MCM6: variants seen among roughly 807,000 people sequenced by gnomAD.
MCM6 encodes the protein DNA replication licensing factor MCM6.
Under a neutral mutation model 94.3 loss-of-function variants are expected in MCM6, and 46 were observed. The ratio of observed to expected loss-of-function variants is 0.49; its 90% CI spans 0.39 to 0.62. The LOEUF is 0.62. Among genes scored for constraint, MCM6 ranks in the 20% least tolerant of loss-of-function variants. The pLI, the probability that MCM6 is intolerant of heterozygous loss-of-function variation, is 0.00. For synonymous variants in MCM6, 335 were observed against 351.9 expected (o/e 0.95, Z 0.54); for missense variants, 865 against 1,017.9 (o/e 0.85, Z 2.04).
intron 16 of MCM6, 41 bp from the exon 17 acceptor site, chr2:135,840,992 T>G: frequency 7.1e-7 from 1 of 1,403,756 alleles, no homozygotes; most frequent in Non-Finnish European, 1.0e-6. Flanking sequence ...TCAAGCAGTA[T>G]TATACCAATG....
chr2:135,845,794 T>C (rs1477668910), intron 15 of MCM6, among the ~76,000 whole-genome samples: 7 of 152,202 alleles, frequency 4.6e-5, no homozygotes, highest in African/African-American at 1.7e-4. Context: ...TACCAATAAC[T>C]ACATGAGGAT....
chr2:135,862,563 T>C (rs1680015613), intron 8 of MCM6, 44 bp downstream of exon 8: 1 of 1,609,356 alleles, frequency 6.2e-7, no homozygotes, highest in Admixed American at 1.7e-5. Context: ...GCCTGGGAAC[T>C]ATGTACACTT....
intron 1 of MCM6, among the ~76,000 whole-genome samples, chr2:135,875,646 G>A (rs186531317): frequency 1.2e-3 from 190 of 152,260 alleles, no homozygotes; most frequent in African/African-American, 4.3e-3. Context: ...AAAAAGAAGA[G>A]TAGAGAAAGG....
chr2:135,848,006 T>C (rs1339848698), intron 14 of MCM6, 47 bp downstream of exon 14: 3 of 1,514,158 alleles, frequency 2.0e-6, no homozygotes, highest in Non-Finnish European at 2.7e-6. Context: ...TCTCAGAAAA[T>C]GTTTTGGTCC....
chr2:135,848,024 C>A (rs775064701), intron 14 of MCM6, 29 bp downstream of exon 14: 18 of 1,579,540 alleles, frequency 1.1e-5, no homozygotes, highest in Non-Finnish European at 2.6e-6. Context: ...TCCCTAACTC[C>A]AAAACAGTCA....
chr2:135,857,675 T>G (rs1365479903), intron 10 of MCM6, among the ~76,000 whole-genome samples: 1 of 152,232 alleles, frequency 6.6e-6, no homozygotes, highest in Non-Finnish European at 1.5e-5. Context: ...AATAAAAGCT[T>G]TGTTCATGGA....
At chr2:135,862,043 T>C (rs1357460307) in intron 8 of MCM6, among the ~76,000 whole-genome samples, 1 of 152,196 alleles carries the variant, frequency 6.6e-6, no homozygotes, top group Admixed American at 6.5e-5. Context: ...TGCATCTATA[T>C]CGGTAATTAT....
intron 7 of MCM6, 114 bp from the exon 8 acceptor site, chr2:135,862,862 C>A: frequency 9.0e-7 from 1 of 1,116,800 alleles, no homozygotes; most frequent in African/African-American, 1.6e-5. Context: ...TCAGCTAAAG[C>A]AAAGCATAAA....
intron 7 of MCM6, among the ~76,000 whole-genome samples, chr2:135,864,413 T>G (rs920630918): frequency 3.3e-5 from 5 of 152,062 alleles, no homozygotes; most frequent in Admixed American, 3.3e-4. Flanking sequence ...TAGGGTTGCT[T>G]TAGCCCAGGA....
At chr2:135,843,269 T>G (rs1679606734) in intron 16 of MCM6, among the ~76,000 whole-genome samples, 1 of 152,158 alleles carries the variant, frequency 6.6e-6, no homozygotes, top group Non-Finnish European at 1.5e-5. Flanking sequence ...AAGCACGAGA[T>G]GCCTGTTAAA....
rs1679943310 is a variant in MCM6 at position 135,859,185 on chromosome 2, G to A, written c.1362+116C>T. On this transcript the variant is annotated intron_variant, in intron 9 of 16. Transcript: ENST00000264156. The stretch of plus-strand genomic sequence containing the variant: ...CTGGGACAAAGGTGTGAGCCACCGC[G>A]CCCAGCTGAGAATGCTGTTTTTAAG... 35 of 839,244 alleles carry A rather than the reference G, an allele frequency of 4.2e-5. No homozygotes were observed. The East Asian group carries it at 6.9e-4, about 17-fold the overall frequency. 52.0% of individuals were successfully genotyped at this position (839,244 alleles called of 1,614,324 possible).
chr2:135,849,173 G>A (rs555419902), intron 13 of MCM6, among the ~76,000 whole-genome samples: 1 of 152,264 alleles, frequency 6.6e-6, no homozygotes, highest in South Asian at 2.1e-4. Flanking sequence ...CTTAGGAGGG[G>A]CCATGTTAAT....
chr2:135,849,424 A>AC (rs1396046504), intron 13 of MCM6, among the ~76,000 whole-genome samples: 12 of 152,226 alleles, frequency 7.9e-5, no homozygotes, highest in Non-Finnish European at 1.5e-4. Flanking sequence ...TAGTAGTACA[A>AC]CCTAACCTAT....
At position 135,851,556 on chromosome 2, in the gene MCM6, T is replaced by C. The variant is rs939008502; in HGVS notation, c.1763A>G (p.Lys588Arg). 1.9e-6 allele frequency: 3 copies of C among 1,598,438 alleles called. No homozygotes were observed. Among genetic ancestry groups the C allele is most frequent in the East Asian group, 2.2e-5 (1 of 44,686 alleles). Residue 588 changes from lysine to arginine, a missense_variant, in exon 13 of 17, where the codon AAA (lysine) becomes AGA (arginine). This residue lies in a region of MCM6 where 308 missense variants were observed against 324.5 expected (regional missense o/e 0.95). Coordinates refer to ENST00000264156, the MANE Select transcript of MCM6 (RefSeq NM_005915.6). ...CTCCACAATGAAGTCCTCTGACTCT[T>C]TGGAAATCTGTTTCAGATCATCACT... ...FARQFKPKIS[K>R]ESEDFIVEQY... is the part of the protein sequence containing the mutation.
intron 4 of MCM6, among the ~76,000 whole-genome samples, chr2:135,867,843 C>G (rs1411276564): frequency 2.6e-5 from 4 of 152,016 alleles, no homozygotes; most frequent in Non-Finnish European, 4.4e-5. Context: ...TGGTTTAACA[C>G]GATGAAACCC....
rs2105596560 is a variant in MCM6 at position 135,876,421 on chromosome 2, T to C, written c.-56A>G. ...CACGCTCGACCGCCACAAGTCGCTTTTTTCCAGACGCTGCAGCTTTGCGCG... is the reference window on the plus strand; with the variant it reads ...CACGCTCGACCGCCACAAGTCGCTTCTTTCCAGACGCTGCAGCTTTGCGCG... On this transcript the variant is annotated 5_prime_UTR_variant, in exon 1 of 17. Coordinates refer to ENST00000264156, the MANE Select transcript of MCM6 (RefSeq NM_005915.6). 1.4e-6 allele frequency: 2 copies of C among 1,455,596 alleles called. No homozygotes were observed. The highest frequency in any genetic ancestry group is 1.9e-6 in the Non-Finnish European group (2 of 1,079,254). The allele number at this position is 1,455,596 out of a possible 1,614,324, so 90.2% of individuals were successfully genotyped here.
At chr2:135,866,076 T>C in intron 6 of MCM6, 56 bp downstream of exon 6, 1 of 1,599,570 alleles carries the variant, frequency 6.3e-7, no homozygotes, top group Non-Finnish European at 8.5e-7. Context: ...CACTCCAGCC[T>C]GGGTGACAGA....
intron 7 of MCM6, among the ~76,000 whole-genome samples, chr2:135,863,504 T>C (rs184837096): frequency 7.9e-5 from 12 of 152,120 alleles, no homozygotes; most frequent in East Asian, 1.9e-4. Flanking sequence ...GGCGGGAGGA[T>C]TGCTTGAGCC....
intron 15 of MCM6, among the ~76,000 whole-genome samples, chr2:135,845,822 C>T (rs1679660524): frequency 6.6e-6 from 1 of 152,210 alleles, no homozygotes; most frequent in South Asian, 2.1e-4. Flanking sequence ...CATTTCTAGT[C>T]TGCAATGGCC....
Sources: gnomAD v4.1 joint callset for allele counts (sites outside exome capture counted in the v4.1 genomes callset) on GRCh38, gnomAD v4.1.1 for gene constraint, gnomAD v4.1.1 regional missense constraint, MANE v1.5 for transcripts, NCBI Gene and HGNC (gene_info 2026-07-23, HGNC 2026-07-21) for gene names.